RPS6KC1: variants seen among roughly 807,000 people sequenced by gnomAD.
RPS6KC1 encodes the protein ribosomal protein S6 kinase C1, also known as inactive ribosomal protein S6 kinase delta-1.
A neutral mutation model predicts 103.8 loss-of-function variants in RPS6KC1; 54 were observed. The observed-to-expected ratio is 0.52, with a 90% confidence interval of 0.42 to 0.65. The LOEUF is 0.65. Ranked by LOEUF, RPS6KC1 falls within the 30% of genes least tolerant of loss-of-function variation. The pLI, the probability that RPS6KC1 is intolerant of heterozygous loss-of-function variation, is 0.00. For missense variants in RPS6KC1, 1,151 were observed against 1,253.8 expected, an observed-to-expected ratio of 0.92 and a Z score of 1.24; for synonymous variants, 439 against 438.7, an observed-to-expected ratio of 1.00 and a Z score of -0.01.
At chr1:213,751,454 A>T in the RPS6KC1 span, among the ~76,000 whole-genome samples, 2 of 152,110 alleles carry the variant, frequency 1.3e-5, no homozygotes, top group Non-Finnish European at 2.9e-5. Context: ...TTTTCAGCCA[A>T]ACCACGCTTT....
At chr1:213,091,413 A>C (rs2080954109) in intron 3 of RPS6KC1, among the ~76,000 whole-genome samples, 1 of 152,084 alleles carries the variant, frequency 6.6e-6, no homozygotes, top group Non-Finnish European at 1.5e-5. Flanking sequence ...TCTTTGATAC[A>C]CCAAAACTTG....
the RPS6KC1 span, among the ~76,000 whole-genome samples, chr1:213,545,957 C>T: frequency 4.6e-5 from 7 of 152,142 alleles, no homozygotes; most frequent in East Asian, 5.8e-4. Context: ...TATTCAGGAG[C>T]GTTGTAAATG....
At chr1:213,762,395 C>T in the RPS6KC1 span, among the ~76,000 whole-genome samples, 4 of 152,156 alleles carry the variant, frequency 2.6e-5, no homozygotes, top group African/African-American at 9.7e-5. Flanking sequence ...CTTCCCCCAG[C>T]ATCCTGGGCC....
At chr1:213,408,923 C>T in the RPS6KC1 span, among the ~76,000 whole-genome samples, 3 of 152,162 alleles carry the variant, frequency 2.0e-5, no homozygotes, top group African/African-American at 4.8e-5. Flanking sequence ...AGAGAACTAT[C>T]GCATCTCTTT....
intron 7 of RPS6KC1, among the ~76,000 whole-genome samples, chr1:213,168,355 A>G (rs2091178961): frequency 1.3e-5 from 2 of 152,226 alleles, no homozygotes; most frequent in Admixed American, 1.3e-4. Flanking sequence ...CCTAAGTTAT[A>G]CAAGTATATG....
chr1:213,647,887 G>A, the RPS6KC1 span, among the ~76,000 whole-genome samples: 1 of 152,100 alleles, frequency 6.6e-6, no homozygotes, highest in Non-Finnish European at 1.5e-5. Flanking sequence ...CCCTTTATAA[G>A]CACATTTATT....
chr1:213,248,308 GT>G (rs2094488772), intron 12 of RPS6KC1, among the ~76,000 whole-genome samples: 1 of 151,798 alleles, frequency 6.6e-6, no homozygotes, highest in South Asian at 2.1e-4. Flanking sequence ...GACAGTAACT[GT>G]TTTATTTACC....
the RPS6KC1 span, among the ~76,000 whole-genome samples, chr1:213,384,930 G>C: frequency 6.6e-6 from 1 of 152,206 alleles, no homozygotes; most frequent in African/African-American, 2.4e-5. Flanking sequence ...TTTAAACCCA[G>C]GCAGGTGACT....
the RPS6KC1 span, among the ~76,000 whole-genome samples, chr1:213,554,989 T>C: frequency 2.0e-5 from 3 of 152,226 alleles, no homozygotes; most frequent in African/African-American, 7.2e-5. Flanking sequence ...TAGAATTTTT[T>C]AAAGCATAAA....
the RPS6KC1 span, among the ~76,000 whole-genome samples, chr1:213,525,529 T>G: frequency 6.6e-6 from 1 of 152,036 alleles, no homozygotes; most frequent in Admixed American, 6.6e-5. Context: ...GCCAGGAAAC[T>G]TAGATAATCT....
At chr1:213,305,146 G>A in the RPS6KC1 span, among the ~76,000 whole-genome samples, 5 of 152,020 alleles carry the variant, frequency 3.3e-5, no homozygotes, top group South Asian at 2.1e-4. Context: ...GTGCACTGGC[G>A]CCATCTCAGC....
the RPS6KC1 span, among the ~76,000 whole-genome samples, chr1:213,637,260 G>A: frequency 6.6e-6 from 1 of 152,022 alleles, no homozygotes; most frequent in Admixed American, 6.5e-5. Flanking sequence ...TCCCATTACT[G>A]GGTGTATACC....
intron 3 of RPS6KC1, among the ~76,000 whole-genome samples, chr1:213,091,258 C>T (rs905785679): frequency 3.3e-5 from 5 of 151,968 alleles, no homozygotes; most frequent in African/African-American, 1.2e-4. Flanking sequence ...GACGGAGTTT[C>T]ACCATGTTAG....
the RPS6KC1 span, among the ~76,000 whole-genome samples, chr1:213,433,081 G>A: frequency 1.3e-5 from 2 of 152,192 alleles, no homozygotes; most frequent in Non-Finnish European, 1.5e-5. Flanking sequence ...CAAGGTGTCA[G>A]CAGGACTGAG....
chr1:213,339,207 A>C, the RPS6KC1 span, among the ~76,000 whole-genome samples: 1 of 152,234 alleles, frequency 6.6e-6, no homozygotes, highest in Non-Finnish European at 1.5e-5. Context: ...CAGAGGTTGC[A>C]GTGAACTGAG....
At chr1:213,093,696 T>G (rs990122788) in intron 3 of RPS6KC1, among the ~76,000 whole-genome samples, 3 of 152,216 alleles carry the variant, frequency 2.0e-5, no homozygotes, top group Admixed American at 2.0e-4. Flanking sequence ...TTACTGCCAG[T>G]GTGATCTTAT....
chr1:213,207,487 G>T (rs558660740), intron 8 of RPS6KC1, among the ~76,000 whole-genome samples: 54 of 152,156 alleles, frequency 3.5e-4, no homozygotes, highest in Non-Finnish European at 6.6e-4. Flanking sequence ...TGTTCAGCTT[G>T]CATTTCCTCC....
At chr1:213,811,265 A>AT in the RPS6KC1 span, among the ~76,000 whole-genome samples, 5 of 152,330 alleles carry the variant, frequency 3.3e-5, no homozygotes, top group African/African-American at 1.2e-4. Context: ...TGCATGGGAC[A>AT]TTTTAGACAC....
chr1:213,091,799 T>C (rs2080988134), intron 3 of RPS6KC1, among the ~76,000 whole-genome samples: 1 of 152,194 alleles, frequency 6.6e-6, no homozygotes, highest in Admixed American at 6.5e-5. Context: ...GTTGTTTATG[T>C]TTGAGAAAAT....
Sources: gnomAD v4.1 joint callset for allele counts (sites outside exome capture counted in the v4.1 genomes callset) on GRCh38, gnomAD v4.1.1 for gene constraint, MANE v1.5 for transcripts, NCBI Gene and HGNC (gene_info 2026-07-23, HGNC 2026-07-21) for gene names.